Variants in CEP95 observed in about 807,000 individuals in gnomAD.
CEP95 encodes centrosomal protein 95.
Under a neutral mutation model 111.2 loss-of-function variants are expected in CEP95, and 98 were observed. That is an observed-to-expected ratio of 0.88 (90% confidence interval 0.75 to 1.04). CEP95 has a LOEUF of 1.04. Ranked by LOEUF, CEP95 falls within the 50% of genes least tolerant of loss-of-function variation. The pLI, the probability that CEP95 is intolerant of heterozygous loss-of-function variation, is 0.00. For missense variants in CEP95, 1,027 were observed against 977.2 expected (o/e 1.05, Z -0.68); for synonymous variants, 323 against 327.1 (o/e 0.99, Z 0.14).
intron 7 of CEP95, among the ~76,000 whole-genome samples, 183 bp from the exon 8 acceptor site, chr17:64,522,519 A>G (rs1967433400): frequency 6.6e-6 from 1 of 152,064 alleles, no homozygotes; most frequent in Admixed American, 6.6e-5. Context: ...ATCCTAATTT[A>G]ATTAGATCCC....
intron 2 of CEP95, among the ~76,000 whole-genome samples, chr17:64,509,917 A>C (rs2038799668): frequency 6.6e-6 from 1 of 152,034 alleles, no homozygotes. Context: ...ATATATATAT[A>C]TATGGTGTAA....
At chr17:64,537,017 TG>T (rs1555681696) in intron 18 of CEP95, 23 bp from the exon 19 acceptor site, 10 of 1,579,734 alleles carry the variant, frequency 6.3e-6, no homozygotes, top group Admixed American at 1.8e-5. Flanking sequence ...ATATAATATT[TG>T]TTTTTTTTCT....
intron 10 of CEP95, among the ~76,000 whole-genome samples, chr17:64,526,802 A>G (rs563796645): frequency 5.9e-5 from 9 of 152,266 alleles, no homozygotes; most frequent in African/African-American, 1.7e-4. Context: ...CTCTACAAAA[A>G]ATAAAAGATT....
intron 1 of CEP95, chr17:64,508,072 T>C: frequency 1.0e-6 from 1 of 985,460 alleles, no homozygotes; most frequent in South Asian, 4.7e-5. Context: ...ATGTTGTTAT[T>C]ATACCAGTTC....
chr17:64,523,793 A>C (rs1007988450), intron 8 of CEP95, among the ~76,000 whole-genome samples: 4 of 152,060 alleles, frequency 2.6e-5, no homozygotes, highest in African/African-American at 9.7e-5. Flanking sequence ...TTAGCTACTT[A>C]GTAGGCTGAG....
Position 64,516,763 on chromosome 17 carries a change from A to G in CEP95, c.408A>G (p.Glu136=), listed in dbSNP as rs1355105534. The G allele has an allele frequency of 1.2e-6, 2 of 1,612,790 alleles. No individual in the cohort carries two copies. The highest frequency in any genetic ancestry group is 1.7e-5 in the Admixed American group (1 of 59,992). ...EQYFKESDRG[E]RLEEPESTKE... ...ATTTTAAAGAATCTGATCGAGGAGA[A>G]CGTTTGGAAGAGCCAGAAAGTACTA... The change falls in exon 5 of 20, where the codon GAA becomes GAG. Residue 136 remains glutamate, a synonymous_variant. Coordinates refer to ENST00000556440, the MANE Select transcript of CEP95 (RefSeq NM_138363.3).
intron 4 of CEP95, 93 bp downstream of exon 4, chr17:64,514,451 C>A: frequency 1.5e-6 from 1 of 673,994 alleles, no homozygotes; most frequent in Non-Finnish European, 2.7e-6. Context: ...TCATAGGAAG[C>A]AGATTCACTA....
At chr17:64,514,902 A>C (rs1555676014) in intron 4 of CEP95, 1 of 153,658 alleles carries the variant, frequency 6.5e-6, no homozygotes, top group Non-Finnish European at 1.4e-5. Flanking sequence ...TATGTTGAAA[A>C]GTTATCAAAA....
intron 11 of CEP95, among the ~76,000 whole-genome samples, chr17:64,527,481 T>C (rs1485413630): frequency 6.6e-6 from 1 of 152,156 alleles, no homozygotes; most frequent in Non-Finnish European, 1.5e-5. Flanking sequence ...AATAAAACAG[T>C]AGAAACCCCC....
At chr17:64,533,076 A>G (rs1555680731) in intron 15 of CEP95, 41 bp from the exon 16 acceptor site, 2 of 1,605,916 alleles carry the variant, frequency 1.2e-6, no homozygotes, top group Non-Finnish European at 1.7e-6. Flanking sequence ...AATTTAGTGA[A>G]CAGCATTATT....
At chr17:64,512,140 T>TGC (rs2144352248) in intron 3 of CEP95, among the ~76,000 whole-genome samples, 1 of 152,346 alleles carries the variant, frequency 6.6e-6, no homozygotes, top group African/African-American at 2.4e-5. Context: ...GCATATGTGA[T>TGC]GCGAGAAAAA....
At position 64,536,668 on chromosome 17, in the gene CEP95, T is replaced by G; in HGVS notation, c.2137T>G (p.Tyr713Asp). The change falls in exon 18 of 20, where the codon TAT (tyrosine) becomes GAT (aspartate). Residue 713 changes from tyrosine (Y) to aspartate (D), a missense_variant. Transcript: ENST00000556440. ...QKQRLRDLRN[Y>D]AKEKRDEQRR... is the part of the protein sequence containing the mutation. ...GCAAAGATTACGAGACCTAAGAAAC[T>G]ATGCCAAAGAAAAGCGAGATGAACA... The G allele has an allele frequency of 1.2e-6, 2 of 1,613,244 alleles. No individual in the cohort carries two copies. Among genetic ancestry groups the G allele is most frequent in the Non-Finnish European group, 1.7e-6 (2 of 1,179,604 alleles).
intron 19 of CEP95, 110 bp downstream of exon 19, chr17:64,537,222 T>G (rs1238122377): frequency 2.1e-5 from 31 of 1,510,068 alleles, no homozygotes; most frequent in Non-Finnish European, 2.7e-5. Context: ...ATAGCCCCGG[T>G]GTGCAGTGGA....
rs1300467747 is a variant in CEP95 at position 64,507,240 on chromosome 17, G to T, written c.19+124G>T. 10 of 1,521,012 alleles carry T rather than the reference G, an allele frequency of 6.6e-6. No homozygotes were observed. The East Asian group carries it at 2.5e-4, about 38-fold the overall frequency. 94.2% of individuals were successfully genotyped at this position (1,521,012 alleles called of 1,614,324 possible). A position where few individuals can be genotyped will look rare whatever the true frequency, so the allele number is the denominator to read the frequency against. On this transcript the variant is annotated intron_variant, in intron 1 of 19. Transcript: ENST00000556440. ...GCTCGTGACCTTCAGACGCCGCGTCGCGCTGGCGGGTTCCCTGGATAGGGT... is the reference window on the plus strand; with the variant it reads ...GCTCGTGACCTTCAGACGCCGCGTCTCGCTGGCGGGTTCCCTGGATAGGGT...
rs2038716798 is a variant in CEP95, at chr17:64,508,659, A to G, written c.87A>G (p.Gln29=). 3.4e-6 allele frequency: 5 copies of G among 1,467,820 alleles called. No individual in the cohort carries two copies. The South Asian group carries it at 4.6e-5, about 14-fold the overall frequency. 90.9% of individuals were successfully genotyped at this position (1,467,820 alleles called of 1,614,324 possible). Residue 29 remains glutamine, a synonymous_variant, in exon 2 of 20, where the codon CAA becomes CAG. Coordinates refer to ENST00000556440, the MANE Select transcript of CEP95 (RefSeq NM_138363.3). The stretch of plus-strand genomic sequence containing the variant: ...TACATCTGAGAATACATGAACTTCA[A>G]GACTGTGATGCTAATGTTTTTATTG... The part of the protein sequence containing the change: ...CHIHLRIHEL[Q]DCDANVFIAL...
At chr17:64,528,248 CCATT>C (rs1198327590) in intron 11 of CEP95, among the ~76,000 whole-genome samples, 1 of 152,114 alleles carries the variant, frequency 6.6e-6, no homozygotes, top group Non-Finnish European at 1.5e-5. Flanking sequence ...CTTTGGTCAT[CCATT>C]GTTTCTTCAG....
rs146781200 is a variant in CEP95 at position 64,518,838 on chromosome 17, G to A, written c.474-483G>A. 7.6e-3 allele frequency among the ~76,000 whole-genome samples: 1,150 copies of A among 152,060 alleles called. 6 individuals are homozygous for A. The highest frequency in any genetic ancestry group is 0.014 in the Middle Eastern group (4 of 294). On this transcript the variant is annotated intron_variant, in intron 5 of 19. Coordinates refer to ENST00000556440, the MANE Select transcript of CEP95 (RefSeq NM_138363.3). ...TGGGATTACAGGCGCCTGCCACCAC[G>A]TCCAGCTAATTTTTTGTATTTTTAG...
chr17:64,511,396 CGTGT>C (rs2144346103), intron 3 of CEP95, among the ~76,000 whole-genome samples: 1 of 152,158 alleles, frequency 6.6e-6, no homozygotes, highest in East Asian at 1.9e-4. Flanking sequence ...TGCCCCCAGG[CGTGT>C]ATTCTCTTTC....
intron 8 of CEP95, 115 bp downstream of exon 8, chr17:64,523,010 T>C: frequency 1.3e-6 from 1 of 792,702 alleles, no homozygotes; most frequent in Non-Finnish European, 2.0e-6. Context: ...GTGAAGTCTT[T>C]ATTCTTTGTC....
Sources: allele counts gnomAD v4.1 joint callset (sites outside exome capture counted in the v4.1 genomes callset), GRCh38; gene constraint gnomAD v4.1.1; transcripts MANE v1.5; gene names NCBI Gene and HGNC (gene_info 2026-07-23, HGNC 2026-07-21).